The following FRMPD2 variants were observed in gnomAD, a reference collection of about 807,000 sequenced individuals.
The protein encoded by FRMPD2 is FERM and PDZ domain-containing protein 2.
Under a neutral mutation model 140.1 loss-of-function variants are expected in FRMPD2, and 96 were observed. The observed-to-expected ratio is 0.69, with a 90% CI of 0.58 to 0.81. The LOEUF (loss-of-function observed/expected upper bound fraction) is 0.81, where lower values mean the gene tolerates loss of function less well. Ranked by LOEUF, FRMPD2 falls within the 40% of genes least tolerant of loss-of-function variation. The pLI, the probability that FRMPD2 is intolerant of heterozygous loss-of-function variation, is 0.00. For synonymous variants in FRMPD2, 449 were observed against 547.6 expected (o/e 0.82, Z 2.52); for missense variants, 1,240 against 1,447.4 (o/e 0.86, Z 2.32).
chr10:48,271,818 C>T (rs981249236), intron 1 of FRMPD2, among the ~76,000 whole-genome samples: 1 of 152,214 alleles, frequency 6.6e-6, no homozygotes, highest in Non-Finnish European at 1.5e-5. Flanking sequence ...GCTGGAAGAG[C>T]AGGCTCCGAG....
At chr10:48,216,667 T>G (rs1241400567) in intron 12 of FRMPD2, among the ~76,000 whole-genome samples, 1 of 152,228 alleles carries the variant, frequency 6.6e-6, no homozygotes, top group African/African-American at 2.4e-5. Flanking sequence ...TGTCACATGC[T>G]AGATACCACA....
chr10:48,268,409 A>T (rs1264755439), intron 1 of FRMPD2, among the ~76,000 whole-genome samples: 1 of 152,218 alleles, frequency 6.6e-6, no homozygotes, highest in African/African-American at 2.4e-5. Flanking sequence ...CCAGAGGAAA[A>T]AAAATGAATA....
intron 23 of FRMPD2, among the ~76,000 whole-genome samples, chr10:48,175,301 A>AT (rs1186553760): frequency 3.3e-5 from 5 of 152,002 alleles, no homozygotes; most frequent in Admixed American, 6.6e-5. Flanking sequence ...TCCAGCATGT[A>AT]TTTTTTTTAT....
intron 12 of FRMPD2, among the ~76,000 whole-genome samples, chr10:48,218,800 G>C (rs1246767248): frequency 6.6e-6 from 1 of 152,226 alleles, no homozygotes; most frequent in Non-Finnish European, 1.5e-5. Flanking sequence ...CATCATGTGA[G>C]TTCCTATCAC....
intron 1 of FRMPD2, among the ~76,000 whole-genome samples, chr10:48,262,248 G>C (rs1357199834): frequency 6.6e-6 from 1 of 152,088 alleles, no homozygotes; most frequent in Non-Finnish European, 1.5e-5. Context: ...TAGGTTAAAA[G>C]TAAAGGGAAG....
intron 10 of FRMPD2, among the ~76,000 whole-genome samples, chr10:48,229,003 A>C (rs1839791213): frequency 6.6e-6 from 1 of 152,054 alleles, no homozygotes; most frequent in African/African-American, 2.4e-5. Flanking sequence ...GTATTTATTT[A>C]TGTTTTTCTA....
chr10:48,242,383 G>T (rs370515806), intron 4 of FRMPD2, 31 bp from the exon 5 acceptor site: 10 of 1,589,942 alleles, frequency 6.3e-6, no homozygotes, highest in Non-Finnish European at 8.6e-6. Context: ...TGAGAGGAGA[G>T]AGCAGCCAGA....
chr10:48,218,483 T>A lies in FRMPD2; in HGVS notation c.1455+3830A>T, dbSNP rs145663378. Reference sequence around the variant, plus strand: ...GGAGGAAATGGGAAACCATCCTTCCTCCCTCTCAGTCTATGCACTTGGCAG... The same window carrying A: ...GGAGGAAATGGGAAACCATCCTTCCACCCTCTCAGTCTATGCACTTGGCAG... On this transcript the variant is annotated intron_variant, in intron 12 of 28. Coordinates refer to ENST00000374201, the MANE Select transcript of FRMPD2 (RefSeq NM_001018071.4). Among the ~76,000 whole-genome samples the A allele has an allele frequency of 3.6e-3, 548 of 152,304 alleles. 1 individual carries two copies. The highest frequency in any genetic ancestry group is 6.6e-3 in the Non-Finnish European group (452 of 68,024).
chr10:48,266,874 A>G (rs1840686690), intron 1 of FRMPD2, among the ~76,000 whole-genome samples: 1 of 152,212 alleles, frequency 6.6e-6, no homozygotes, highest in Non-Finnish European at 1.5e-5. Flanking sequence ...GTAACAAGGC[A>G]TCCCCTGACG....
chr10:48,191,998 G>A (rs1318638537), intron 16 of FRMPD2, among the ~76,000 whole-genome samples: 1 of 152,200 alleles, frequency 6.6e-6, no homozygotes, highest in East Asian at 1.9e-4. Context: ...ACTTAACAGA[G>A]TCATAAGACT....
chr10:48,194,833 G>T (rs184863392), intron 15 of FRMPD2, among the ~76,000 whole-genome samples: 5 of 152,280 alleles, frequency 3.3e-5, no homozygotes, highest in Admixed American at 3.3e-4. Flanking sequence ...GCTTCATGGG[G>T]CTGACTGGGT....
At chr10:48,242,054 A>G (rs1333484564) in intron 5 of FRMPD2, 107 bp downstream of exon 5, 10 of 815,782 alleles carry the variant, frequency 1.2e-5, no homozygotes, top group Non-Finnish European at 1.9e-5. Flanking sequence ...TGACTGATTA[A>G]TTTAATTTTT....
chr10:48,188,702 C>T (rs560677454), intron 16 of FRMPD2, among the ~76,000 whole-genome samples: 2 of 152,292 alleles, frequency 1.3e-5, no homozygotes, highest in South Asian at 2.1e-4. Flanking sequence ...CCGAGAGAGG[C>T]GATGATGCTG....
chr10:48,158,332 G>A (rs1266018913), intron 28 of FRMPD2, among the ~76,000 whole-genome samples: 1 of 149,188 alleles, frequency 6.7e-6, no homozygotes, highest in Non-Finnish European at 1.5e-5. Context: ...GGCTGCCCTT[G>A]GAGATTTGAC....
intron 8 of FRMPD2, among the ~76,000 whole-genome samples, chr10:48,237,631 C>T (rs1016005630): frequency 1.6e-4 from 25 of 152,112 alleles, no homozygotes; most frequent in African/African-American, 5.6e-4. Flanking sequence ...TCTATGCTCC[C>T]ACCTTTCACC....
At chr10:48,198,940 T>C (rs1170038288) in intron 15 of FRMPD2, among the ~76,000 whole-genome samples, 2 of 152,140 alleles carry the variant, frequency 1.3e-5, no homozygotes, top group Non-Finnish European at 2.9e-5. Context: ...TTGTATACAG[T>C]AACATGGATT....
In FRMPD2 at chr10:48,216,811, A is replaced by G. The variant is rs944195985; in HGVS notation, c.1456-4702T>C. On this transcript the variant is annotated intron_variant, in intron 12 of 28. Transcript: ENST00000374201. ...ATATAGCTACTGAACCAGAGGCCAC[A>G]GCAAGAATGTCAACTGATTCACTGG... Among the ~76,000 whole-genome samples the G allele has an allele frequency of 3.5e-4, 53 of 152,250 alleles. 1 individual carries two copies. Among genetic ancestry groups the G allele is most frequent in the African/African-American group, 1.2e-3 (50 of 41,470 alleles).
chr10:48,251,155 G>C (rs192119564), intron 2 of FRMPD2, among the ~76,000 whole-genome samples: 1 of 152,170 alleles, frequency 6.6e-6, no homozygotes, highest in Non-Finnish European at 1.5e-5. Flanking sequence ...TGGACAGAGT[G>C]TAGGGGTGTC....
chr10:48,269,309 G>A (rs571182065), intron 1 of FRMPD2, among the ~76,000 whole-genome samples: 1 of 152,342 alleles, frequency 6.6e-6, no homozygotes, highest in African/African-American at 2.4e-5. Flanking sequence ...TATCAAAATT[G>A]AGAACATGTA....
Sources: allele counts gnomAD v4.1 joint callset (sites outside exome capture counted in the v4.1 genomes callset), GRCh38; gene constraint gnomAD v4.1.1; transcripts MANE v1.5; gene names NCBI Gene and HGNC (gene_info 2026-07-23, HGNC 2026-07-21).